The following KATNBL1 variants were observed in gnomAD, a reference collection of about 807,000 sequenced individuals.
The protein encoded by KATNBL1 is katanin regulatory subunit B1 like 1, also known as KATNB1-like protein 1.
KATNBL1 carries 28 observed loss-of-function variants against 44.7 expected under a neutral mutation model. The observed-to-expected ratio is 0.63, with a 90% confidence interval of 0.46 to 0.86. The LOEUF (loss-of-function observed/expected upper bound fraction) is 0.86, where lower values mean the gene tolerates loss of function less well. KATNBL1 is among the 40% of genes least tolerant of loss of function. The probability of loss-of-function intolerance (pLI) is 0.00; values close to 1 mark genes in which losing one functional copy is unlikely to be tolerated. For synonymous variants in KATNBL1, 78 were observed against 114.9 expected (o/e 0.68, Z 2.06); for missense variants, 272 against 350.7 (o/e 0.78, Z 1.79).
chr15:34,171,301 A>C (rs1889151880), intron 1 of KATNBL1, among the ~76,000 whole-genome samples: 1 of 152,234 alleles, frequency 6.6e-6, no homozygotes, highest in Non-Finnish European at 1.5e-5. Flanking sequence ...ATCTCAAAAG[A>C]AGACATTTAT....
At position 34,141,596 on chromosome 15, in the gene KATNBL1, C is replaced by T. The variant is rs1299705727; in HGVS notation, c.*743G>A. On this transcript the variant is annotated 3_prime_UTR_variant, in exon 10 of 10. Transcript: ENST00000256544. ...CACATTCATACATGACATGATGATTCTGGCAAAAAATATCAGAGATACTAA... is the reference window on the plus strand; with the variant it reads ...CACATTCATACATGACATGATGATTTTGGCAAAAAATATCAGAGATACTAA... 3 of 152,458 alleles carry T rather than the reference C, an allele frequency of 2.0e-5. No homozygotes were observed. Among genetic ancestry groups the T allele is most frequent in the African/African-American group, 7.2e-5 (3 of 41,420 alleles). The allele number at this position is 152,458 out of a possible 1,614,324, so 9.4% of individuals were successfully genotyped here.
chr15:34,147,814 G>A lies in KATNBL1; in HGVS notation c.558-384C>T, dbSNP rs188976465. ...AACATCTGAGAGACTTGAATACAAT[G>A]AGGAAAGTAATGCTTCAAATTCCCA... On this transcript the variant is annotated intron_variant, in intron 5 of 9. Transcript: ENST00000256544. 4.0e-3 allele frequency among the ~76,000 whole-genome samples: 606 copies of A among 152,252 alleles called. 6 individuals carry two copies. The highest frequency in any genetic ancestry group is 0.014 in the African/African-American group (587 of 41,558).
At chr15:34,173,653 A>C (rs1471565311) in intron 1 of KATNBL1, among the ~76,000 whole-genome samples, 1 of 152,212 alleles carries the variant, frequency 6.6e-6, no homozygotes, top group African/African-American at 2.4e-5. Flanking sequence ...GCTGTGCACC[A>C]GAAGTAGAGG....
At chr15:34,194,442 C>G (rs1296301888) in intron 1 of KATNBL1, among the ~76,000 whole-genome samples, 4 of 151,834 alleles carry the variant, frequency 2.6e-5, no homozygotes, top group Non-Finnish European at 5.9e-5. Context: ...GACCCTGTCT[C>G]TATAAAAAAT....
intron 1 of KATNBL1, among the ~76,000 whole-genome samples, chr15:34,169,759 C>T (rs1889101781): frequency 1.3e-5 from 2 of 152,210 alleles, no homozygotes; most frequent in Non-Finnish European, 2.9e-5. Context: ...TCGGCTTCAT[C>T]CCTGGGATGC....
At chr15:34,209,560 G>A (rs1473513355) in intron 1 of KATNBL1, 2 of 152,234 alleles carry the variant, frequency 1.3e-5, no homozygotes, top group Non-Finnish European at 2.9e-5. Flanking sequence ...GGAAATGCCT[G>A]GGCCGGGCCT....
intron 1 of KATNBL1, among the ~76,000 whole-genome samples, chr15:34,182,470 C>G (rs1889596265): frequency 6.6e-6 from 1 of 151,898 alleles, no homozygotes; most frequent in Non-Finnish European, 1.5e-5. Flanking sequence ...TTTAGAGTGA[C>G]CATAGAATTT....
chr15:34,203,678 T>C (rs9672784), intron 1 of KATNBL1, among the ~76,000 whole-genome samples: 23,452 of 152,206 alleles, frequency 0.15, 1,950 homozygotes, highest in African/African-American at 0.21. Flanking sequence ...ATAGATACAC[T>C]TATTCTGGTA....
chr15:34,147,173 T>C, intron 7 of KATNBL1, 27 bp downstream of exon 7: 1 of 1,401,118 alleles, frequency 7.1e-7, no homozygotes, highest in Non-Finnish European at 1.0e-6. Flanking sequence ...AAAAGAAAAA[T>C]GAATCAAGAT....
At chr15:34,189,381 C>T (rs1286662999) in intron 1 of KATNBL1, among the ~76,000 whole-genome samples, 6 of 152,184 alleles carry the variant, frequency 3.9e-5, no homozygotes. Flanking sequence ...AGTTAAACAC[C>T]ACCTCGCATT....
chr15:34,197,477 C>A (rs894008100), intron 1 of KATNBL1, among the ~76,000 whole-genome samples: 1 of 152,226 alleles, frequency 6.6e-6, no homozygotes, highest in African/African-American at 2.4e-5. Flanking sequence ...ACACAAACAT[C>A]ACCTATGAGG....
chr15:34,197,632 T>C (rs1298972317), intron 1 of KATNBL1, among the ~76,000 whole-genome samples: 2 of 152,266 alleles, frequency 1.3e-5, no homozygotes, highest in African/African-American at 2.4e-5. Flanking sequence ...AATAGTGGTA[T>C]TACATTCCTT....
chr15:34,186,367 G>A (rs1470215709), intron 1 of KATNBL1, among the ~76,000 whole-genome samples: 3 of 152,210 alleles, frequency 2.0e-5, no homozygotes, highest in Admixed American at 6.5e-5. Flanking sequence ...GAGCAAGCAG[G>A]AGCCCTGCCC....
At chr15:34,155,581 A>G (rs1888613770) in intron 2 of KATNBL1, among the ~76,000 whole-genome samples, 1 of 152,168 alleles carries the variant, frequency 6.6e-6, no homozygotes, top group Non-Finnish European at 1.5e-5. Flanking sequence ...TAGACCTTGC[A>G]ATGCCTTTGT....
intron 2 of KATNBL1, 81 bp downstream of exon 2, chr15:34,163,479 G>A (rs1888870291): frequency 6.7e-7 from 1 of 1,487,466 alleles, no homozygotes; most frequent in Non-Finnish European, 9.0e-7. Context: ...TCCTCCCATT[G>A]TTTAAACAAT....
At chr15:34,171,688 A>T (rs971876348) in intron 1 of KATNBL1, among the ~76,000 whole-genome samples, 1 of 152,322 alleles carries the variant, frequency 6.6e-6, no homozygotes, top group Admixed American at 6.5e-5. Context: ...AACCAACGCA[A>T]ATGTCCATCA....
chr15:34,142,743 T>C, intron 9 of KATNBL1: 1 of 256,400 alleles, frequency 3.9e-6, no homozygotes, highest in Non-Finnish European at 7.6e-6. Context: ...GACAGAGTCT[T>C]GCTCTGTCAC....
intron 4 of KATNBL1, among the ~76,000 whole-genome samples, chr15:34,152,241 C>T (rs11072998): frequency 0.56 from 85,130 of 151,624 alleles, 24,702 homozygotes; most frequent in East Asian, 0.7. Flanking sequence ...CGCTCTGTTG[C>T]CCAGGCTGGA....
At chr15:34,174,170 T>C (rs1304158858) in intron 1 of KATNBL1, among the ~76,000 whole-genome samples, 1 of 152,186 alleles carries the variant, frequency 6.6e-6, no homozygotes, top group African/African-American at 2.4e-5. Context: ...AAGACTTTTA[T>C]AGGATAAGTG....
Sources: gnomAD v4.1 joint callset for allele counts (sites outside exome capture counted in the v4.1 genomes callset) on GRCh38, gnomAD v4.1.1 for gene constraint, MANE v1.5 for transcripts, NCBI Gene and HGNC (gene_info 2026-07-23, HGNC 2026-07-21) for gene names.